The following ANO1 variants were observed in gnomAD, a reference collection of about 807,000 sequenced individuals.
The protein encoded by ANO1 is anoctamin-1.
In ANO1, 59 loss-of-function variants were observed where a neutral mutation model predicts 124.0. That is an observed-to-expected ratio of 0.48 (90% confidence interval 0.39 to 0.59). The LOEUF (loss-of-function observed/expected upper bound fraction) is 0.59. Among genes scored for constraint, ANO1 ranks in the 20% least tolerant of loss-of-function variants. The probability of loss-of-function intolerance (pLI) is 0.00; values close to 1 mark genes in which losing one functional copy is unlikely to be tolerated. For synonymous variants in ANO1, 529 were observed against 532.0 expected, an observed-to-expected ratio of 0.99 and a Z score of 0.08; for missense variants, 1,059 against 1,328.0, an observed-to-expected ratio of 0.80 and a Z score of 3.15.
At chr11:70,020,332 C>T (rs1193157288) in intron 1 of ANO1, among the ~76,000 whole-genome samples, 5 of 152,208 alleles carry the variant, frequency 3.3e-5, no homozygotes, top group African/African-American at 4.8e-5. Flanking sequence ...CTCATCATCT[C>T]TGCTGGTGGT....
intron 18 of ANO1, among the ~76,000 whole-genome samples, chr11:70,162,726 AGGGC>A (rs2048106045): frequency 6.6e-6 from 1 of 151,684 alleles, no homozygotes; most frequent in South Asian, 2.1e-4. Context: ...CCAGGGTCCC[AGGGC>A]CCCGCCAAGG....
intron 1 of ANO1, among the ~76,000 whole-genome samples, chr11:70,007,232 G>A (rs1555000232): frequency 1.3e-5 from 2 of 149,072 alleles, no homozygotes; most frequent in South Asian, 2.1e-4. Context: ...TATCCTCAAA[G>A]TTCATTCAAC....
chr11:69,987,837 G>A (rs1262590923), intron 1 of ANO1, among the ~76,000 whole-genome samples: 2 of 152,152 alleles, frequency 1.3e-5, no homozygotes, highest in African/African-American at 2.4e-5. Context: ...CAGATGTGAG[G>A]ACCTGGAGTG....
chr11:70,161,121 G>A (rs1369336505), intron 16 of ANO1, 40 bp from the exon 17 acceptor site: 2 of 1,578,796 alleles, frequency 1.3e-6, no homozygotes, highest in South Asian at 1.2e-5. Context: ...GAAGGTCCTG[G>A]GTGGGCCCCC....
At chr11:70,053,112 G>T (rs1441774671) in intron 1 of ANO1, among the ~76,000 whole-genome samples, 3 of 152,106 alleles carry the variant, frequency 2.0e-5, no homozygotes, top group African/African-American at 7.2e-5. Flanking sequence ...TGTATTCAGT[G>T]ACTTTGCCAA....
chr11:70,157,088 C>A, intron 16 of ANO1, 67 bp downstream of exon 16: 1 of 1,448,838 alleles, frequency 6.9e-7, no homozygotes, highest in Non-Finnish European at 9.5e-7. Flanking sequence ...TGGCTTCAGC[C>A]GGGCGTGGTG....
chr11:70,188,416 G>A lies in ANO1; in HGVS notation c.*412G>A, dbSNP rs185175663. The A allele has an allele frequency of 1.6e-4, 26 of 167,376 alleles. No homozygotes were observed. Among genetic ancestry groups the A allele is most frequent in the African/African-American group, 5.0e-4 (21 of 42,158 alleles). The allele number at this position is 167,376 out of a possible 1,614,324, so 10.4% of individuals were successfully genotyped here. A position where few individuals can be genotyped will look rare whatever the true frequency, so the allele number is the denominator to read the frequency against. Reference sequence around the variant, plus strand: ...GCAAAATGGTAAGCCGAGGCATCGCGCAAAAGCTGGTGCGATGCTTCAGGG... The same window carrying A: ...GCAAAATGGTAAGCCGAGGCATCGCACAAAAGCTGGTGCGATGCTTCAGGG... On this transcript the variant is annotated 3_prime_UTR_variant, in exon 26 of 26. Transcript: ENST00000355303.
chr11:70,059,171 G>A (rs1036702493), intron 1 of ANO1, among the ~76,000 whole-genome samples: 5 of 151,268 alleles, frequency 3.3e-5, no homozygotes, highest in Non-Finnish European at 5.9e-5. Flanking sequence ...CAACCTGAGC[G>A]ACAGAGCCAG....
chr11:70,098,219 C>A (rs1392144764), intron 2 of ANO1, among the ~76,000 whole-genome samples: 3 of 152,222 alleles, frequency 2.0e-5, no homozygotes, highest in Admixed American at 6.5e-5. Flanking sequence ...TGTTCTCCTC[C>A]TTGGGAGCTG....
At chr11:70,100,670 C>T (rs561500529) in intron 2 of ANO1, among the ~76,000 whole-genome samples, 1 of 152,338 alleles carries the variant, frequency 6.6e-6, no homozygotes, top group South Asian at 2.1e-4. Context: ...GCATGGCACA[C>T]GCCTCAGGGC....
chr11:70,085,223 C>T (rs187046956), intron 1 of ANO1, among the ~76,000 whole-genome samples: 1 of 152,280 alleles, frequency 6.6e-6, no homozygotes, highest in African/African-American at 2.4e-5. Flanking sequence ...GTGCTGGCTA[C>T]AGACTTGCGA....
intron 1 of ANO1, among the ~76,000 whole-genome samples, chr11:70,036,643 T>G (rs1857098720): frequency 6.6e-6 from 1 of 152,236 alleles, no homozygotes; most frequent in Non-Finnish European, 1.5e-5. Context: ...AGTCTCGCTT[T>G]GTCGCCCAGG....
intron 5 of ANO1, among the ~76,000 whole-genome samples, chr11:70,106,035 C>T (rs1251429876): frequency 6.6e-6 from 1 of 152,114 alleles, no homozygotes; most frequent in East Asian, 1.9e-4. Flanking sequence ...AGCCAGACCC[C>T]TGGAGTGATT....
rs929188100 is a variant in ANO1 at position 70,189,228 on chromosome 11, A to C, written c.*1224A>C. 1 of 152,672 alleles carries C rather than the reference A, an allele frequency of 6.5e-6. No homozygotes were observed. The highest frequency in any genetic ancestry group is 2.4e-5 in the African/African-American group (1 of 41,456). 9.5% of individuals were successfully genotyped at this position (152,672 alleles called of 1,614,324 possible). A position where few individuals can be genotyped will look rare whatever the true frequency, so the allele number is the denominator to read the frequency against. ...TAGCAAAGGCCAGGAGGAAAAATAG[A>C]AATAAATTTGTCTTGAAGATCTCAT... On this transcript the variant is annotated 3_prime_UTR_variant, in exon 26 of 26. Transcript: ENST00000355303.
chr11:70,015,435 C>T (rs1025472517), intron 1 of ANO1, among the ~76,000 whole-genome samples: 2 of 152,138 alleles, frequency 1.3e-5, no homozygotes, highest in African/African-American at 4.8e-5. Context: ...TCAGCCTCAT[C>T]GCAAGAAGTG....
Position 70,124,296 on chromosome 11 carries a change from G to A in ANO1, c.898-54G>A. 3.2e-6 allele frequency: 5 copies of A among 1,569,368 alleles called. No homozygotes were observed. The Admixed American group carries it at 5.0e-5, about 16-fold the overall frequency. ...AGTCCCCGCAGCTCTGCGTTCCGGGGAGCAACCTCGGAGTGCCACATTGTC... is the reference window on the plus strand; with the variant it reads ...AGTCCCCGCAGCTCTGCGTTCCGGGAAGCAACCTCGGAGTGCCACATTGTC... On this transcript the variant is annotated intron_variant, in intron 8 of 25. Coordinates refer to ENST00000355303, the MANE Select transcript of ANO1 (RefSeq NM_018043.7).
rs2048220908 is a variant in ANO1 at position 70,165,497 on chromosome 11, C to T, written c.1978C>T (p.Leu660=). 1 of 1,611,890 alleles carries T rather than the reference C, an allele frequency of 6.2e-7. No individual in the cohort carries two copies. Among genetic ancestry groups the T allele is most frequent in the Non-Finnish European group, 8.5e-7 (1 of 1,179,138 alleles). The change falls in exon 20 of 26, where the codon CTA becomes TTA. Residue 660 remains leucine, a synonymous_variant. Transcript: ENST00000355303. ...TGCGCCAGGGGGCTGCCTGATGGAG[C>T]TATGCATCCAGCTCAGCATCATCAT... ...ECAPGGCLME[L]CIQLSIIMLG...
At chr11:69,977,019 C>A in the ANO1 span, among the ~76,000 whole-genome samples, 1 of 152,204 alleles carries the variant, frequency 6.6e-6, no homozygotes, top group African/African-American at 2.4e-5. Flanking sequence ...AGTGATGAGG[C>A]CAGCCCCAGG....
chr11:70,167,718 C>T (rs1340349473), intron 21 of ANO1, among the ~76,000 whole-genome samples: 2 of 150,320 alleles, frequency 1.3e-5, no homozygotes, highest in African/African-American at 5.0e-5. Flanking sequence ...AGGCACGGTC[C>T]CCAGGCACGG....
Sources: gnomAD v4.1 joint callset for allele counts (sites outside exome capture counted in the v4.1 genomes callset) on GRCh38, gnomAD v4.1.1 for gene constraint, MANE v1.5 for transcripts, NCBI Gene and HGNC (gene_info 2026-07-23, HGNC 2026-07-21) for gene names.